Variants in CA10 observed in about 807,000 individuals in gnomAD.
CA10 encodes carbonic anhydrase 10 (inactive).
CA10 carries 14 observed loss-of-function variants against 44.2 expected under a neutral mutation model. That is an observed-to-expected ratio of 0.32 (90% CI 0.21 to 0.50). The LOEUF is 0.50. Among genes scored for constraint, CA10 ranks in the 20% least tolerant of loss-of-function variants. The probability of loss-of-function intolerance (pLI) is 0.99; values close to 1 mark genes in which losing one functional copy is unlikely to be tolerated. For synonymous variants in CA10, 159 were observed against 141.6 expected (o/e 1.12, Z -0.87); for missense variants, 350 against 409.7 (o/e 0.85, Z 1.26).
chr17:51,778,442 C>T (rs1423561678), intron 3 of CA10, among the ~76,000 whole-genome samples: 1 of 152,156 alleles, frequency 6.6e-6, no homozygotes, highest in Admixed American at 6.5e-5. Context: ...TATATGAGTA[C>T]TCTTCAGATA....
intron 3 of CA10, among the ~76,000 whole-genome samples, chr17:51,851,721 T>C (rs1027900051): frequency 5.3e-5 from 8 of 152,188 alleles, no homozygotes; most frequent in African/African-American, 1.7e-4. Context: ...ACATGGTCCT[T>C]GATAAATATT....
At chr17:51,695,014 T>C (rs1915352550) in intron 4 of CA10, among the ~76,000 whole-genome samples, 1 of 152,232 alleles carries the variant, frequency 6.6e-6, no homozygotes, top group Non-Finnish European at 1.5e-5. Flanking sequence ...CATTGTTCTA[T>C]GTGTCTGTTT....
At chr17:51,803,303 C>T (rs938103831) in intron 3 of CA10, among the ~76,000 whole-genome samples, 2 of 152,104 alleles carry the variant, frequency 1.3e-5, no homozygotes, top group African/African-American at 2.4e-5. Flanking sequence ...TGCGATGGGG[C>T]CTCCTTTTCC....
intron 1 of CA10, among the ~76,000 whole-genome samples, chr17:52,073,668 G>C (rs1987744009): frequency 6.6e-6 from 1 of 152,178 alleles, no homozygotes; most frequent in South Asian, 2.1e-4. Flanking sequence ...AAGTATCCTG[G>C]ATTTCCTGGT....
At chr17:51,661,168 T>G (rs760311656) in intron 4 of CA10, among the ~76,000 whole-genome samples, 9 of 152,208 alleles carry the variant, frequency 5.9e-5, no homozygotes, top group Non-Finnish European at 1.2e-4. Context: ...AGGCATGGGC[T>G]CTATCTTATT....
chr17:51,796,286 A>G (rs890766455), intron 3 of CA10, among the ~76,000 whole-genome samples: 5 of 151,922 alleles, frequency 3.3e-5, no homozygotes, highest in African/African-American at 1.2e-4. Context: ...ATCTCATGGA[A>G]GTTAATGAGA....
intron 1 of CA10, among the ~76,000 whole-genome samples, chr17:52,077,605 T>C (rs1365967615): frequency 2.0e-5 from 3 of 151,774 alleles, no homozygotes; most frequent in Admixed American, 2.0e-4. Flanking sequence ...TCCAGTTCTG[T>C]TTCTTACTTA....
At chr17:51,724,579 T>C (rs1480799863) in intron 4 of CA10, among the ~76,000 whole-genome samples, 1 of 152,196 alleles carries the variant, frequency 6.6e-6, no homozygotes, top group Non-Finnish European at 1.5e-5. Context: ...CTTTGATTTG[T>C]TGGGGTGGAA....
chr17:51,859,704 G>C (rs1376151474), intron 3 of CA10, among the ~76,000 whole-genome samples: 2 of 152,078 alleles, frequency 1.3e-5, no homozygotes, highest in East Asian at 3.9e-4. Context: ...GAAGAATGGG[G>C]ATAATATTAT....
intron 3 of CA10, among the ~76,000 whole-genome samples, chr17:51,835,171 G>A (rs1400139988): frequency 6.6e-6 from 1 of 152,192 alleles, no homozygotes; most frequent in African/African-American, 2.4e-5. Context: ...CTAGACTGAT[G>A]TCAGCCCCCA....
chr17:51,747,588 T>G (rs377613797), intron 4 of CA10, 45 bp downstream of exon 4: 4 of 1,505,748 alleles, frequency 2.7e-6, no homozygotes, highest in East Asian at 2.3e-5. Flanking sequence ...GCACCCAATC[T>G]TATAAGTTGA....
intron 3 of CA10, among the ~76,000 whole-genome samples, chr17:51,925,468 G>T (rs1982391572): frequency 6.6e-6 from 1 of 150,988 alleles, no homozygotes; most frequent in African/African-American, 2.4e-5. Flanking sequence ...GATATGGAAA[G>T]ATTGGAATCC....
In CA10 at chr17:51,842,218, C is replaced by T. The variant is rs2143806699; in HGVS notation, c.279+88772G>A. On this transcript the variant is annotated intron_variant, in intron 3 of 8. Coordinates refer to ENST00000451037, the MANE Select transcript of CA10 (RefSeq NM_020178.5). ...AGTATATAGCCAACAGGGTCAGCTACAGTTACTATCTACATATAACACTTA... is the reference window on the plus strand; with the variant it reads ...AGTATATAGCCAACAGGGTCAGCTATAGTTACTATCTACATATAACACTTA... 2.6e-5 allele frequency among the ~76,000 whole-genome samples: 4 copies of T among 152,286 alleles called. 1 individual carries two copies. The highest frequency in any genetic ancestry group is 2.6e-4 in the Admixed American group (4 of 15,288).
At chr17:52,142,375 T>C (rs980329196) in intron 1 of CA10, among the ~76,000 whole-genome samples, 3 of 152,220 alleles carry the variant, frequency 2.0e-5, no homozygotes, top group Non-Finnish European at 4.4e-5. Flanking sequence ...TGGCTGCATC[T>C]CACATGTTAT....
At chr17:51,913,924 T>C (rs1195731255) in intron 3 of CA10, among the ~76,000 whole-genome samples, 2 of 152,160 alleles carry the variant, frequency 1.3e-5, no homozygotes, top group African/African-American at 4.8e-5. Context: ...ACCATTATTA[T>C]TATCCACAGA....
intron 1 of CA10, among the ~76,000 whole-genome samples, chr17:52,101,868 T>C (rs1032682025): frequency 2.0e-5 from 3 of 152,208 alleles, no homozygotes; most frequent in Non-Finnish European, 4.4e-5. Context: ...AGGTAAATAA[T>C]GAACACCTAA....
rs537777816 is a variant in CA10 at position 51,679,291 on chromosome 17, G to A, written c.466-25555C>T. On this transcript the variant is annotated intron_variant, in intron 4 of 8. Coordinates refer to ENST00000451037, the MANE Select transcript of CA10 (RefSeq NM_020178.5). Reference sequence around the variant, plus strand: ...TTTTTTTTTTTTGGGATGGAGTCTCGCTCTGTCACCCAGGCTGGAGTGCAG... The same window carrying A: ...TTTTTTTTTTTTGGGATGGAGTCTCACTCTGTCACCCAGGCTGGAGTGCAG... Among the ~76,000 whole-genome samples the A allele has an allele frequency of 5.1e-3, 759 of 147,774 alleles. 5 individuals carry two copies. The highest frequency in any genetic ancestry group is 0.016 in the African/African-American group (619 of 39,796).
intron 1 of CA10, among the ~76,000 whole-genome samples, chr17:52,157,488 T>G (rs1297764151): frequency 6.7e-6 from 1 of 150,350 alleles, no homozygotes; most frequent in Non-Finnish European, 1.5e-5. Flanking sequence ...CCCCCACCAC[T>G]TTTTCCTTCA....
At chr17:51,674,354 A>G (rs546667426) in intron 4 of CA10, among the ~76,000 whole-genome samples, 1 of 152,300 alleles carries the variant, frequency 6.6e-6, no homozygotes, top group African/African-American at 2.4e-5. Context: ...ATTACTTGAC[A>G]TGTCTTAACT....
Sources: gnomAD v4.1 joint callset for allele counts (sites outside exome capture counted in the v4.1 genomes callset) on GRCh38, gnomAD v4.1.1 for gene constraint, MANE v1.5 for transcripts, NCBI Gene and HGNC (gene_info 2026-07-23, HGNC 2026-07-21) for gene names.